Variants in ADAM20 observed in about 807,000 individuals in gnomAD.
ADAM20 encodes the protein disintegrin and metalloproteinase domain-containing protein 20.
For synonymous variants in ADAM20, 305 were observed against 310.2 expected, an observed-to-expected ratio of 0.98 and a Z score of 0.18; for missense variants, 871 against 883.2, an observed-to-expected ratio of 0.99 and a Z score of 0.18.
chr14:70,566,843 A>G, the ADAM20 span, among the ~76,000 whole-genome samples: 4 of 152,108 alleles, frequency 2.6e-5, no homozygotes, highest in Non-Finnish European at 4.4e-5. Flanking sequence ...TTAGCCAGGC[A>G]TTGTGGCAGG....
the ADAM20 span, among the ~76,000 whole-genome samples, chr14:70,571,505 G>GT: frequency 1.3e-5 from 2 of 152,192 alleles, no homozygotes; most frequent in Non-Finnish European, 2.9e-5. Context: ...ATGCTGAACT[G>GT]TGAGTCAATT....
the ADAM20 span, among the ~76,000 whole-genome samples, chr14:70,564,931 C>A: frequency 1.3e-5 from 2 of 150,240 alleles, no homozygotes; most frequent in Non-Finnish European, 1.5e-5. Flanking sequence ...GCCTGTAGTC[C>A]CAGCTACTCA....
intron 1 of ADAM20, among the ~76,000 whole-genome samples, chr14:70,533,141 C>T (rs1883749379): frequency 6.6e-6 from 1 of 152,154 alleles, no homozygotes; most frequent in Non-Finnish European, 1.5e-5. Context: ...AATGCTTTTA[C>T]ACTGTTGGCG....
At chr14:70,560,601 G>A in the ADAM20 span, among the ~76,000 whole-genome samples, 1 of 152,140 alleles carries the variant, frequency 6.6e-6, no homozygotes, top group Non-Finnish European at 1.5e-5. Context: ...ATGTTGAATT[G>A]GAGGAAAGGC....
chr14:70,564,109 T>G, the ADAM20 span, among the ~76,000 whole-genome samples: 1 of 152,194 alleles, frequency 6.6e-6, no homozygotes, highest in African/African-American at 2.4e-5. Flanking sequence ...TTCTGTCATC[T>G]CACATTTGAA....
the ADAM20 span, among the ~76,000 whole-genome samples, chr14:70,547,626 T>C: frequency 2.3e-4 from 7 of 31,026 alleles, no homozygotes; most frequent in African/African-American, 9.8e-4. Context: ...CACGAGACTA[T>C]ATCCCACACC....
intron 1 of ADAM20, among the ~76,000 whole-genome samples, chr14:70,527,932 T>C (rs1438985301): frequency 1.3e-5 from 2 of 152,240 alleles, no homozygotes; most frequent in African/African-American, 4.8e-5. Context: ...TTCCTCATTC[T>C]TGAACCACAT....
chr14:70,556,216 C>A, the ADAM20 span: 1 of 152,564 alleles, frequency 6.6e-6, no homozygotes, highest in Non-Finnish European at 1.5e-5. Flanking sequence ...AGTGGTGATT[C>A]CCCAGAATTT....
chr14:70,535,407 A>C (rs999695855), upstream of ADAM20, among the ~76,000 whole-genome samples: 1 of 152,214 alleles, frequency 6.6e-6, no homozygotes, highest in South Asian at 2.1e-4. Flanking sequence ...GAAGAAACTG[A>C]CTGGGAAGGG....
upstream of ADAM20, among the ~76,000 whole-genome samples, chr14:70,535,593 C>T (rs73282153): frequency 0.15 from 22,627 of 152,106 alleles, 2,395 homozygotes; most frequent in East Asian, 0.49. Flanking sequence ...AGCTGGGGAA[C>T]TTATCCTGAA....
the ADAM20 span, among the ~76,000 whole-genome samples, chr14:70,567,357 C>A: frequency 3.3e-5 from 5 of 152,142 alleles, no homozygotes; most frequent in African/African-American, 7.2e-5. Context: ...GGAGATCTAA[C>A]CACCAGCATG....
chr14:70,569,885 CAAAAAAAAAAA>C, the ADAM20 span, among the ~76,000 whole-genome samples: 27 of 76,154 alleles, frequency 3.5e-4, no homozygotes, highest in Admixed American at 1.1e-3. Context: ...AGAAAACTAA[CAAAAAAAAAAA>C]AAAAAAAAAA....
the ADAM20 span, among the ~76,000 whole-genome samples, chr14:70,576,650 T>C: frequency 1.3e-5 from 2 of 152,010 alleles, no homozygotes; most frequent in African/African-American, 4.8e-5. Context: ...ATCCGACATG[T>C]GCCATGTGCA....
At chr14:70,573,683 G>A in the ADAM20 span, among the ~76,000 whole-genome samples, 1 of 152,038 alleles carries the variant, frequency 6.6e-6, no homozygotes, top group Non-Finnish European at 1.5e-5. Flanking sequence ...GAAAGTGAAG[G>A]GATAGAAAAG....
chr14:70,535,519 G>A (rs907705471), upstream of ADAM20, among the ~76,000 whole-genome samples: 2 of 152,124 alleles, frequency 1.3e-5, no homozygotes, highest in Non-Finnish European at 2.9e-5. Context: ...ACTAGTGAAA[G>A]AGCCCAGAGC....
intron 1 of ADAM20, among the ~76,000 whole-genome samples, chr14:70,531,160 T>TA (rs1424474511): frequency 1.3e-5 from 2 of 151,894 alleles, no homozygotes; most frequent in African/African-American, 4.8e-5. Flanking sequence ...GACTTAGAAA[T>TA]AAAAAGGTCT....
chr14:70,562,748 T>C, the ADAM20 span, among the ~76,000 whole-genome samples: 1 of 152,190 alleles, frequency 6.6e-6, no homozygotes, highest in African/African-American at 2.4e-5. Flanking sequence ...CTTCGCCTTC[T>C]GCCATGATTG....
the ADAM20 span, among the ~76,000 whole-genome samples, chr14:70,565,078 A>G: frequency 6.6e-5 from 10 of 151,174 alleles, no homozygotes; most frequent in African/African-American, 2.2e-4. Context: ...TAAAATAAAT[A>G]TAATTAAATT....
chr14:70,536,378 A>AT (rs1241742070), upstream of ADAM20, among the ~76,000 whole-genome samples: 2 of 146,334 alleles, frequency 1.4e-5, no homozygotes, highest in Non-Finnish European at 1.5e-5. Flanking sequence ...AGGCAGAAGA[A>AT]TTGCTTGAAT....
Sources: gnomAD v4.1 joint callset for allele counts (sites outside exome capture counted in the v4.1 genomes callset) on GRCh38, gnomAD v4.1.1 for gene constraint, MANE v1.5 for transcripts, NCBI Gene and HGNC (gene_info 2026-07-23, HGNC 2026-07-21) for gene names.